Variants in AFG1L observed in about 807,000 individuals in gnomAD.
AFG1L encodes the protein AFG1-like ATPase.
In AFG1L, 53 loss-of-function variants were observed where a neutral mutation model predicts 62.2. The ratio of observed to expected loss-of-function variants is 0.85; its 90% CI spans 0.68 to 1.07. The LOEUF (loss-of-function observed/expected upper bound fraction) is 1.07. Among genes scored for constraint, AFG1L ranks in the 50% least tolerant of loss-of-function variants. AFG1L has a pLI of 0.00. For synonymous variants in AFG1L, 228 were observed against 210.3 expected, an observed-to-expected ratio of 1.08 and a Z score of -0.73; for missense variants, 555 against 590.5, an observed-to-expected ratio of 0.94 and a Z score of 0.62.
At chr6:108,460,160 T>C (rs1451101689) in intron 8 of AFG1L, among the ~76,000 whole-genome samples, 1 of 152,124 alleles carries the variant, frequency 6.6e-6, no homozygotes, top group Non-Finnish European at 1.5e-5. Flanking sequence ...TTAGGTGTGA[T>C]AGGGTATTAT....
At chr6:108,511,152 G>A (rs1774636939) in intron 11 of AFG1L, among the ~76,000 whole-genome samples, 1 of 150,574 alleles carries the variant, frequency 6.6e-6, no homozygotes, top group Non-Finnish European at 1.5e-5. Context: ...GAGGAGGAGG[G>A]AGGTAGGAGG....
At chr6:108,430,616 C>T (rs140404316) in intron 7 of AFG1L, among the ~76,000 whole-genome samples, 61 of 152,276 alleles carry the variant, frequency 4.0e-4, no homozygotes, top group Non-Finnish European at 6.9e-4. Context: ...AATGCATTGA[C>T]AAATTGGAGC....
chr6:108,415,906 C>T (rs570252432), intron 7 of AFG1L, among the ~76,000 whole-genome samples: 2 of 152,230 alleles, frequency 1.3e-5, no homozygotes, highest in Admixed American at 6.5e-5. Context: ...CAACAGAAGC[C>T]AAAATTGACA....
At chr6:108,477,346 T>G (rs1019435833) in intron 10 of AFG1L, 54 bp downstream of exon 10, 2 of 1,045,100 alleles carry the variant, frequency 1.9e-6, no homozygotes, top group Non-Finnish European at 2.8e-6. Context: ...TTAAAATACT[T>G]CGTGTTTTCC....
intron 2 of AFG1L, among the ~76,000 whole-genome samples, chr6:108,333,585 T>TATTAAAG (rs2114355583): frequency 6.6e-6 from 1 of 151,688 alleles, no homozygotes; most frequent in Non-Finnish European, 1.5e-5. Flanking sequence ...TCTCTGCAAA[T>TATTAAAG]AATAATAATA....
chr6:108,316,360 G>A (rs1777596496), intron 1 of AFG1L, among the ~76,000 whole-genome samples: 2 of 89,280 alleles, frequency 2.2e-5, no homozygotes, highest in Non-Finnish European at 3.9e-5. Flanking sequence ...CAGCCTGGGC[G>A]ACAGAGCGAG....
chr6:108,478,544 ATACGGACCTT>A (rs1209162027), intron 10 of AFG1L, among the ~76,000 whole-genome samples: 8 of 152,246 alleles, frequency 5.3e-5, no homozygotes, highest in Non-Finnish European at 1.2e-4. Flanking sequence ...ATTCTGGGTG[ATACGGACCTT>A]TCAGACCTCT....
At position 108,381,623 on chromosome 6, in the gene AFG1L, CA is replaced by C. The variant is rs1006064273; in HGVS notation, c.748+15296del. Among the ~76,000 whole-genome samples the C allele has an allele frequency of 8.6e-4, 131 of 152,056 alleles. 1 individual carries two copies. The highest frequency in any genetic ancestry group is 3.1e-3 in the African/African-American group (127 of 41,490). ...GTCAAGTCATCAGAATAGCTAGAAACAAAAATCCATGATTTGAAATTTCACA... is the reference window on the plus strand; with the variant it reads ...GTCAAGTCATCAGAATAGCTAGAAACAAAATCCATGATTTGAAATTTCACA... On this transcript the variant is annotated intron_variant, in intron 6 of 12. Coordinates refer to ENST00000368977, the MANE Select transcript of AFG1L (RefSeq NM_145315.5).
In AFG1L at chr6:108,295,145, A is replaced by G. The variant is rs756968876; in HGVS notation, c.66A>G (p.Arg22=). The change falls in exon 1 of 13, where the codon AGA becomes AGG. Residue 22 remains arginine (R), a synonymous_variant. Coordinates refer to ENST00000368977, the MANE Select transcript of AFG1L (RefSeq NM_145315.5). Reference sequence around the variant, plus strand: ...TAGCACAGAGCCCGCTGAGAGGGAGATGTGTTGGGTGCGGGGCCTGGGCCG... The same window carrying G: ...TAGCACAGAGCCCGCTGAGAGGGAGGTGTGTTGGGTGCGGGGCCTGGGCCG... ...RPLAQSPLRG[R]CVGCGAWAAA... 1 of 1,610,362 alleles carries G rather than the reference A, an allele frequency of 6.2e-7. No homozygotes were observed. The highest frequency in any genetic ancestry group is 1.1e-5 in the South Asian group (1 of 91,060).
rs58897027 is a variant in AFG1L at position 108,339,540 on chromosome 6, A to G, written c.364-7448A>G. On this transcript the variant is annotated intron_variant, in intron 2 of 12. Coordinates refer to ENST00000368977, the MANE Select transcript of AFG1L (RefSeq NM_145315.5). ...AGTGGCATGATCTCTGCTCACTGCA[A>G]CCTCCATCTACCAGGTTCAAGTGAT... 8.1e-3 allele frequency among the ~76,000 whole-genome samples: 1,221 copies of G among 150,146 alleles called. 23 individuals are homozygous for G. Among genetic ancestry groups the G allele is most frequent in the African/African-American group, 0.028 (1,160 of 40,754 alleles).
chr6:108,350,776 C>A (rs1349004719), intron 3 of AFG1L, among the ~76,000 whole-genome samples: 1 of 152,188 alleles, frequency 6.6e-6, no homozygotes, highest in Non-Finnish European at 1.5e-5. Flanking sequence ...TTATCAGCCC[C>A]TTTCCTGCTG....
At chr6:108,313,138 A>G (rs1262269024) in intron 1 of AFG1L, among the ~76,000 whole-genome samples, 1 of 152,162 alleles carries the variant, frequency 6.6e-6, no homozygotes, top group Non-Finnish European at 1.5e-5. Context: ...GAACAACGTT[A>G]TCATGATTTA....
intron 2 of AFG1L, among the ~76,000 whole-genome samples, chr6:108,331,013 T>C (rs940847335): frequency 6.6e-6 from 1 of 152,030 alleles, no homozygotes; most frequent in Non-Finnish European, 1.5e-5. Context: ...ATAGGCTGGG[T>C]GTGGTGGCTC....
intron 8 of AFG1L, among the ~76,000 whole-genome samples, chr6:108,460,849 C>G (rs951219570): frequency 3.9e-5 from 6 of 152,110 alleles, no homozygotes; most frequent in African/African-American, 1.4e-4. Context: ...CCCAGCTACT[C>G]AAGAGGATGA....
rs961032232 is a variant in AFG1L, at chr6:108,486,170, T to C, written c.1062+8878T>C. Among the ~76,000 whole-genome samples, 10 of 152,240 alleles carry C rather than the reference T, an allele frequency of 6.6e-5. No homozygotes were observed. The East Asian group carries it at 1.7e-3, about 26-fold the overall frequency. The stretch of plus-strand genomic sequence containing the variant: ...CCAATTAATATGAATATAAAACACT[T>C]TAAAAGTACTTGTTTGATTTTTTTA... On this transcript the variant is annotated intron_variant, in intron 10 of 12. Coordinates refer to ENST00000368977, the MANE Select transcript of AFG1L (RefSeq NM_145315.5).
At chr6:108,311,029 T>C (rs1367617549) in intron 1 of AFG1L, among the ~76,000 whole-genome samples, 1 of 152,218 alleles carries the variant, frequency 6.6e-6, no homozygotes, top group African/African-American at 2.4e-5. Flanking sequence ...TCTTTTTGGC[T>C]TAAGAGAAGG....
In AFG1L at chr6:108,391,580, G is replaced by T. The variant is rs147602414; in HGVS notation, c.749-10416G>T. On this transcript the variant is annotated intron_variant, in intron 6 of 12. Transcript: ENST00000368977. The stretch of plus-strand genomic sequence containing the variant: ...AAGATTTTCTCCCACTCTGTGCGTT[G>T]TCTGTTTACTCTGCTGACTGTTCCT... Among the ~76,000 whole-genome samples, 594 of 152,238 alleles carry T rather than the reference G, an allele frequency of 3.9e-3. 6 individuals carry two copies. Among genetic ancestry groups the T allele is most frequent in the African/African-American group, 0.014 (570 of 41,528 alleles).
chr6:108,476,760 C>A, intron 8 of AFG1L, 105 bp from the exon 9 acceptor site: 1 of 751,504 alleles, frequency 1.3e-6, no homozygotes. Flanking sequence ...GCATAACATC[C>A]TGTTCTTTTT....
intron 2 of AFG1L, among the ~76,000 whole-genome samples, chr6:108,335,613 T>G (rs1301912377): frequency 1.3e-5 from 2 of 152,240 alleles, no homozygotes; most frequent in Non-Finnish European, 2.9e-5. Context: ...CACCTCTTTC[T>G]TTTGATGAAG....
Sources: allele counts gnomAD v4.1 joint callset (sites outside exome capture counted in the v4.1 genomes callset), GRCh38; gene constraint gnomAD v4.1.1; transcripts MANE v1.5; gene names NCBI Gene and HGNC (gene_info 2026-07-23, HGNC 2026-07-21).